USP26: variants seen among roughly 807,000 people sequenced by gnomAD.
The protein encoded by USP26 is ubiquitin carboxyl-terminal hydrolase 26.
For missense variants in USP26, 649 were observed against 642.3 expected, an observed-to-expected ratio of 1.01 and a Z score of -0.11; for synonymous variants, 236 against 240.6, an observed-to-expected ratio of 0.98 and a Z score of 0.18.
chrX:133,094,236 C>A (rs1205611506), intron 1 of USP26, among the ~76,000 whole-genome samples: 1 of 110,293 alleles, frequency 9.1e-6, no homozygotes, highest in Non-Finnish European at 1.9e-5. Context: ...AAACGGCTAC[C>A]TTTTAAGTGT....
chrX:133,046,885 C>T (rs1277699913), intron 5 of USP26, among the ~76,000 whole-genome samples: 1 of 111,695 alleles, frequency 9.0e-6, no homozygotes, highest in Non-Finnish European at 1.9e-5. Context: ...CACCTCATCC[C>T]TCTTCTTTCC....
intron 5 of USP26, among the ~76,000 whole-genome samples, chrX:133,064,244 C>G (rs1355884961): frequency 1.8e-5 from 2 of 111,735 alleles, no homozygotes; most frequent in Admixed American, 1.9e-4. Flanking sequence ...TCTTAGAGAC[C>G]TACAAAGACA....
intron 4 of USP26, among the ~76,000 whole-genome samples, chrX:133,087,729 T>C (rs1337721854): frequency 8.9e-6 from 1 of 112,086 alleles, no homozygotes; most frequent in African/African-American, 3.2e-5. Context: ...TTAAGAAAAA[T>C]ATGTTTTTCT....
chrX:133,042,269 C>T (rs1475614618), intron 5 of USP26, among the ~76,000 whole-genome samples: 8 of 111,061 alleles, frequency 7.2e-5, no homozygotes, highest in Non-Finnish European at 1.3e-4. Flanking sequence ...AATAAAAACT[C>T]CTGCAGCTAG....
chrX:133,081,236 TA>T (rs750268075), intron 5 of USP26, among the ~76,000 whole-genome samples: 2 of 111,079 alleles, frequency 1.8e-5, no homozygotes, highest in African/African-American at 6.5e-5. Flanking sequence ...TTTTCTGGGA[TA>T]AAAAAAATTG....
chrX:133,070,125 T>C (rs2067525992), intron 5 of USP26, among the ~76,000 whole-genome samples: 1 of 111,291 alleles, frequency 9.0e-6, no homozygotes, highest in Admixed American at 9.6e-5. Context: ...ATTTAAATAA[T>C]GGTCAAGCTA....
rs775061913 is a variant in USP26 at position 133,042,794 on chromosome X, T to C, written c.-76-14498A>G. Among the ~76,000 whole-genome samples, 10 of 112,280 alleles carry C rather than the reference T, an allele frequency of 8.9e-5. No homozygotes were observed. In the East Asian group the frequency reaches 2.5e-3, roughly 28 times the overall value. On this transcript the variant is annotated intron_variant, in intron 5 of 5. Transcript: ENST00000511190. ...TATTTATGTGTACAGTATCAGTGCCTGTCACTGCTAGGAATCCTTATTCTC... is the reference window on the plus strand; with the variant it reads ...TATTTATGTGTACAGTATCAGTGCCCGTCACTGCTAGGAATCCTTATTCTC...
rs1456668531 is a variant in USP26, at chrX:133,024,692, AAC to A, written c.*785_*786del. 1 of 111,991 alleles carries A rather than the reference AAC, an allele frequency of 8.9e-6. No homozygotes were observed. Among genetic ancestry groups the A allele is most frequent in the African/African-American group, 3.2e-5 (1 of 30,799 alleles). The allele number at this position is 111,991 out of a possible 1,213,427, so 9.2% of individuals were successfully genotyped here. ...AGGCAAGGCATACATTAATATGAAA[AAC>A]ACAAAAATGTAATCAAAACCTTTTA... On this transcript the variant is annotated 3_prime_UTR_variant, in exon 6 of 6. Coordinates refer to ENST00000511190, the MANE Select transcript of USP26 (RefSeq NM_031907.3).
rs944599622 is a variant in USP26 at position 133,025,956 on chromosome X, T to G, written c.2265A>C (p.Ala755=). ...MRICEQAPQQ[A]LPQSFPKPGT... The stretch of plus-strand genomic sequence containing the variant: ...CTGGCTTTGGAAAGCTTTGAGGCAG[T>G]GCCTGCTGAGGGGCTTGTTCACAGA... Residue 755 remains alanine (A), a synonymous_variant, in exon 6 of 6, where the codon GCA becomes GCC. Coordinates refer to ENST00000511190, the MANE Select transcript of USP26 (RefSeq NM_031907.3). The G allele has an allele frequency of 8.3e-7, 1 of 1,209,462 alleles. No individual in the cohort carries two copies. The highest frequency in any genetic ancestry group is 1.1e-6 in the Non-Finnish European group (1 of 895,188).
intron 5 of USP26, among the ~76,000 whole-genome samples, chrX:133,034,190 A>G (rs1488685720): frequency 8.9e-6 from 1 of 111,958 alleles, no homozygotes; most frequent in Non-Finnish European, 1.9e-5. Flanking sequence ...GTTAATAGCT[A>G]TCAGAGGATA....
chrX:133,096,853 C>T (rs182091412), intron 1 of USP26, among the ~76,000 whole-genome samples, 177 bp downstream of exon 1: 107 of 111,862 alleles, frequency 9.6e-4, no homozygotes, highest in Middle Eastern at 4.6e-3. Context: ...CGAGATCATG[C>T]CACTGCACTA....
rs1162329105 is a variant in USP26 at position 133,027,073 on chromosome X, G to A, written c.1148C>T (p.Ala383Val). The change falls in exon 6 of 6, where the codon GCT becomes GTT. Residue 383 changes from alanine to valine, a missense_variant. Transcript: ENST00000511190. ...TAAACAGTGAGCTAAAAACTCATGA[G>A]CATCGTTCTGTGCATTGCCATGGAA... ...EIFHGNAQND[A>V]HEFLAHCLDQ... 8.3e-7 allele frequency: 1 copy of A among 1,209,513 alleles called. No individual in the cohort carries two copies. The highest frequency in any genetic ancestry group is 1.7e-5 in the African/African-American group (1 of 57,197).
At chrX:133,095,351 A>C (rs1020136756) in intron 1 of USP26, among the ~76,000 whole-genome samples, 1 of 111,655 alleles carries the variant, frequency 9.0e-6, no homozygotes, top group Non-Finnish European at 1.9e-5. Context: ...ACTTAAGTGC[A>C]GTCACTGGTG....
intron 5 of USP26, among the ~76,000 whole-genome samples, chrX:133,058,377 T>C (rs1001695300): frequency 1.8e-5 from 2 of 111,574 alleles, no homozygotes; most frequent in African/African-American, 6.5e-5. Context: ...AAGAGGTGTG[T>C]TAAAACCTCC....
intron 5 of USP26, among the ~76,000 whole-genome samples, chrX:133,037,289 A>G (rs1207249781): frequency 8.9e-6 from 1 of 112,182 alleles, no homozygotes; most frequent in Non-Finnish European, 1.9e-5. Flanking sequence ...GTTTTCTTCT[A>G]GGGTTTTTAT....
intron 5 of USP26, among the ~76,000 whole-genome samples, chrX:133,040,102 G>A (rs972704774): frequency 9.0e-6 from 1 of 111,417 alleles, no homozygotes; most frequent in Admixed American, 9.5e-5. Context: ...TGTGAGATGT[G>A]CCTCTTGAAT....
chrX:133,060,864 A>T (rs926094873), intron 5 of USP26, among the ~76,000 whole-genome samples: 2 of 111,805 alleles, frequency 1.8e-5, no homozygotes, highest in African/African-American at 3.2e-5. Flanking sequence ...TCAGAAAAAA[A>T]ATCCCAAAAA....
intron 5 of USP26, among the ~76,000 whole-genome samples, chrX:133,080,826 T>A (rs1004692479): frequency 1.8e-5 from 2 of 111,879 alleles, no homozygotes; most frequent in Non-Finnish European, 3.8e-5. Flanking sequence ...GGACCTTTAT[T>A]TCTCTGTAAT....
intron 5 of USP26, among the ~76,000 whole-genome samples, chrX:133,030,227 A>C (rs1324684440): frequency 9.0e-6 from 1 of 111,291 alleles, no homozygotes; most frequent in Admixed American, 9.6e-5. Context: ...TGATTGATCA[A>C]CCACTAGTGC....
Sources: gnomAD v4.1 joint callset for allele counts (sites outside exome capture counted in the v4.1 genomes callset) on GRCh38, gnomAD v4.1.1 for gene constraint, MANE v1.5 for transcripts, NCBI Gene and HGNC (gene_info 2026-07-23, HGNC 2026-07-21) for gene names.